GRM5: variants seen among roughly 807,000 people sequenced by gnomAD.
GRM5 encodes the protein glutamate metabotropic receptor 5, also known as metabotropic glutamate receptor 5.
GRM5 carries 19 observed loss-of-function variants against 83.1 expected under a neutral mutation model. That is an observed-to-expected ratio of 0.23 (90% CI 0.16 to 0.34). The LOEUF (loss-of-function observed/expected upper bound fraction) is 0.34. Among genes scored for constraint, GRM5 ranks in the 10% least tolerant of loss-of-function variants. GRM5 has a pLI of 1.00. For missense variants in GRM5, 1,160 were observed against 1,588.3 expected (o/e 0.73, Z 4.58); for synonymous variants, 675 against 633.6 (o/e 1.07, Z -0.98).
intron 3 of GRM5, among the ~76,000 whole-genome samples, chr11:88,823,214 C>T (rs1943832463): frequency 6.6e-6 from 1 of 150,556 alleles, no homozygotes; most frequent in Admixed American, 6.6e-5. Context: ...CATTTTAAGA[C>T]CTTATTATAT....
intron 3 of GRM5, among the ~76,000 whole-genome samples, chr11:88,694,891 A>G (rs1940864804): frequency 6.6e-6 from 1 of 152,182 alleles, no homozygotes; most frequent in Non-Finnish European, 1.5e-5. Context: ...CCACACAGAT[A>G]ATTTTTGAAG....
At chr11:88,803,999 C>A (rs1316722075) in intron 3 of GRM5, among the ~76,000 whole-genome samples, 1 of 150,744 alleles carries the variant, frequency 6.6e-6, no homozygotes, top group Non-Finnish European at 1.5e-5. Context: ...CCATCTCACA[C>A]CAGTTAGAAT....
intron 8 of GRM5, among the ~76,000 whole-genome samples, chr11:88,533,517 CTTATTTATT>C (rs948331704): frequency 6.6e-6 from 1 of 152,010 alleles, no homozygotes; most frequent in African/African-American, 2.4e-5. Context: ...TTATATTTTA[CTTATTTATT>C]TTATTTATTC....
chr11:88,910,494 G>A (rs1945478181), intron 2 of GRM5, among the ~76,000 whole-genome samples: 1 of 152,014 alleles, frequency 6.6e-6, no homozygotes, highest in Admixed American at 6.6e-5. Context: ...ACTGTTTGTG[G>A]AACCACCAAA....
intron 2 of GRM5, among the ~76,000 whole-genome samples, chr11:89,042,890 G>A (rs991304213): frequency 4.1e-5 from 6 of 146,984 alleles, no homozygotes; most frequent in Non-Finnish European, 4.4e-5. Flanking sequence ...CTTCAATAAT[G>A]TATGCTACCA....
At chr11:88,647,905 G>A (rs898864566) in intron 4 of GRM5, among the ~76,000 whole-genome samples, 58 of 151,694 alleles carry the variant, frequency 3.8e-4, no homozygotes, top group Non-Finnish European at 6.3e-4. Flanking sequence ...ATGAAAAAAT[G>A]CTCATCATCA....
chr11:88,778,196 C>A (rs761453181), intron 3 of GRM5, among the ~76,000 whole-genome samples: 22 of 152,238 alleles, frequency 1.4e-4, no homozygotes, highest in Non-Finnish European at 2.9e-4. Context: ...TACAGCCTGG[C>A]AGAGTGATCT....
intron 8 of GRM5, among the ~76,000 whole-genome samples, chr11:88,542,290 C>A (rs1378114831): frequency 2.0e-5 from 3 of 152,032 alleles, no homozygotes; most frequent in Admixed American, 6.6e-5. Context: ...GGCTGTTGAA[C>A]ACTGAGGCTT....
At chr11:88,521,249 C>T (rs1407530482) in intron 9 of GRM5, among the ~76,000 whole-genome samples, 1 of 152,116 alleles carries the variant, frequency 6.6e-6, no homozygotes, top group African/African-American at 2.4e-5. Context: ...AACCCCGTCT[C>T]TACTAAAAAT....
At chr11:88,970,733 C>T (rs568837753) in intron 2 of GRM5, among the ~76,000 whole-genome samples, 2 of 152,246 alleles carry the variant, frequency 1.3e-5, no homozygotes, top group African/African-American at 4.8e-5. Context: ...AATTTGTCTT[C>T]CTTTTTCTCT....
chr11:88,723,376 G>C lies in GRM5; in HGVS notation c.912-69973C>G, dbSNP rs572398363. Reference sequence around the variant, plus strand: ...GTTTTTGTGTGGGCATAAGTTTTCAGCTCAACTGGCAAAATGCAAAGGGGC... The same window carrying C: ...GTTTTTGTGTGGGCATAAGTTTTCACCTCAACTGGCAAAATGCAAAGGGGC... On this transcript the variant is annotated intron_variant, in intron 3 of 9. Transcript: ENST00000305447. 6.6e-5 allele frequency among the ~76,000 whole-genome samples: 10 copies of C among 152,172 alleles called. No individual in the cohort carries two copies. The East Asian group carries it at 1.9e-3, about 29-fold the overall frequency.
At chr11:88,617,090 G>A (rs1418728314) in intron 4 of GRM5, among the ~76,000 whole-genome samples, 3 of 152,190 alleles carry the variant, frequency 2.0e-5, no homozygotes, top group Non-Finnish European at 4.4e-5. Context: ...CAGACAGAAA[G>A]CATTCCTTTG....
intron 2 of GRM5, among the ~76,000 whole-genome samples, chr11:88,920,137 T>A (rs914212499): frequency 1.3e-5 from 2 of 151,474 alleles, no homozygotes; most frequent in African/African-American, 4.9e-5. Context: ...GATAAAAAAA[T>A]CAACAAACCT....
chr11:88,563,935 T>C (rs1347351901), intron 8 of GRM5, among the ~76,000 whole-genome samples: 2 of 152,128 alleles, frequency 1.3e-5, no homozygotes, highest in African/African-American at 4.8e-5. Flanking sequence ...AGAAGAAATA[T>C]TTAGTTTTGG....
rs1591416450 is a variant in GRM5 at position 88,655,932 on chromosome 11, C to A, written c.912-2529G>T. ...TATGTTAATCCCAAAAAAGACAACACTGGCTAAATTAGAGGGTGCTGTATT... is the reference window on the plus strand; with the variant it reads ...TATGTTAATCCCAAAAAAGACAACAATGGCTAAATTAGAGGGTGCTGTATT... On this transcript the variant is annotated intron_variant, in intron 3 of 9. Transcript: ENST00000305447. Among the ~76,000 whole-genome samples the A allele has an allele frequency of 2.0e-5, 3 of 152,142 alleles. No homozygotes were observed. The East Asian group carries it at 5.8e-4, about 29-fold the overall frequency.
Position 88,543,590 on chromosome 11 carries a change from G to GAA in GRM5, c.2631-18188_2631-18187dup, listed in dbSNP as rs138823034. On this transcript the variant is annotated intron_variant, in intron 8 of 9. Coordinates refer to ENST00000305447, the MANE Select transcript of GRM5 (RefSeq NM_001143831.3). Reference sequence around the variant, plus strand: ...AAGACATAGAGAAATCAGAGAAGAGGAAAAAAAAAACCCACAACCAGGACC... The same window carrying GAA: ...AAGACATAGAGAAATCAGAGAAGAGGAAAAAAAAAAAACCCACAACCAGGACC... Among the ~76,000 whole-genome samples, 527 of 137,024 alleles carry GAA rather than the reference G, an allele frequency of 3.8e-3. 4 individuals are homozygous for GAA. The highest frequency in any genetic ancestry group is 8.5e-3 in the African/African-American group (312 of 36,662). 89.9% of individuals were successfully genotyped at this position (137,024 alleles called of 152,430 possible). A position where few individuals can be genotyped will look rare whatever the true frequency, so the allele number is the denominator to read the frequency against.
At chr11:88,882,152 G>A (rs1338768914) in intron 2 of GRM5, among the ~76,000 whole-genome samples, 3 of 151,862 alleles carry the variant, frequency 2.0e-5, no homozygotes, top group Non-Finnish European at 4.4e-5. Flanking sequence ...AAAGAGAATC[G>A]CTTGAACCCA....
chr11:88,976,697 T>A (rs1276316381), intron 2 of GRM5, among the ~76,000 whole-genome samples: 5 of 152,176 alleles, frequency 3.3e-5, no homozygotes, highest in Non-Finnish European at 7.4e-5. Context: ...ACTCAATAAT[T>A]GTTTGCTGAA....
chr11:88,706,938 C>T (rs1013863855), intron 3 of GRM5, among the ~76,000 whole-genome samples: 1 of 152,008 alleles, frequency 6.6e-6, no homozygotes, highest in Middle Eastern at 3.2e-3. Flanking sequence ...AAGTTTATTG[C>T]TGATTGACAT....
Sources: gnomAD v4.1 joint callset for allele counts (sites outside exome capture counted in the v4.1 genomes callset) on GRCh38, gnomAD v4.1.1 for gene constraint, MANE v1.5 for transcripts, NCBI Gene and HGNC (gene_info 2026-07-23, HGNC 2026-07-21) for gene names.